Variants in MDN1 observed in about 807,000 individuals in gnomAD.
MDN1 encodes midasin.
In MDN1, 266 loss-of-function variants were observed where a neutral mutation model predicts 669.2. The observed-to-expected ratio is 0.40, with a 90% CI of 0.36 to 0.44. The LOEUF (loss-of-function observed/expected upper bound fraction) is 0.44, where lower values mean the gene tolerates loss of function less well. Among genes scored for constraint, MDN1 ranks in the 20% least tolerant of loss-of-function variants. The probability of loss-of-function intolerance (pLI) is 1.00; values close to 1 mark genes in which losing one functional copy is unlikely to be tolerated. For missense variants in MDN1, 5,940 were observed against 6,754.0 expected, an observed-to-expected ratio of 0.88 and a Z score of 4.22; for synonymous variants, 2,385 against 2,457.1, an observed-to-expected ratio of 0.97 and a Z score of 0.87.
intron 91 of MDN1, 30 bp downstream of exon 91, chr6:89,656,670 A>G: frequency 6.7e-7 from 1 of 1,482,414 alleles, no homozygotes; most frequent in Non-Finnish European, 9.3e-7. Flanking sequence ...TGCTGCCTTC[A>G]CCTAAGTTTA....
At chr6:89,750,027 A>G (rs1008619545) in intron 24 of MDN1, among the ~76,000 whole-genome samples, 2 of 152,230 alleles carry the variant, frequency 1.3e-5, no homozygotes, top group Admixed American at 1.3e-4. Context: ...ATTTCATTTA[A>G]ATCACCACAT....
At chr6:89,706,947 C>CA (rs959128908) in intron 52 of MDN1, among the ~76,000 whole-genome samples, 109 of 146,590 alleles carry the variant, frequency 7.4e-4, no homozygotes, top group East Asian at 1.6e-3. Context: ...TTTCAATTAA[C>CA]AAAAAAAAAA....
At chr6:89,790,536 C>T in intron 5 of MDN1, 135 bp from the exon 6 acceptor site, 3 of 1,061,234 alleles carry the variant, frequency 2.8e-6, no homozygotes, top group Non-Finnish European at 2.8e-6. Flanking sequence ...ACTATAATAA[C>T]AACAGGTATG....
Position 89,714,048 on chromosome 6 carries a change from GA to G in MDN1, c.7069+494del, listed in dbSNP as rs56175181. Among the ~76,000 whole-genome samples, 652 of 115,158 alleles carry G rather than the reference GA, an allele frequency of 5.7e-3. 1 individual carries two copies. Among genetic ancestry groups the G allele is most frequent in the Middle Eastern group, 0.039 (9 of 228 alleles). 75.5% of individuals were successfully genotyped at this position (115,158 alleles called of 152,430 possible). On this transcript the variant is annotated intron_variant, in intron 46 of 101. Transcript: ENST00000369393. ...AGTGAGACTCTGTCTCAAAAAAAAAGAAAAAAAAAAAAAGATTAAATAAACA... is the reference window on the plus strand; with the variant it reads ...AGTGAGACTCTGTCTCAAAAAAAAAGAAAAAAAAAAAAGATTAAATAAACA...
At chr6:89,710,874 T>G (rs1813859987) in intron 49 of MDN1, 80 bp from the exon 50 acceptor site, 1 of 779,286 alleles carries the variant, frequency 1.3e-6, no homozygotes, top group African/African-American at 1.8e-5. Flanking sequence ...GAAAATGTTC[T>G]ACAGCTGCAT....
intron 33 of MDN1, 67 bp downstream of exon 33, chr6:89,738,259 A>T: frequency 2.6e-6 from 4 of 1,532,140 alleles, no homozygotes; most frequent in Non-Finnish European, 3.6e-6. Context: ...CCTGTAAGAG[A>T]TCCCTCAACT....
chr6:89,678,721 T>G lies in MDN1; in HGVS notation c.12290A>C (p.Glu4097Ala). The G allele has an allele frequency of 6.2e-7, 1 of 1,613,364 alleles. No homozygotes were observed. Among genetic ancestry groups the G allele is most frequent in the Non-Finnish European group, 8.5e-7 (1 of 1,179,684 alleles). Residue 4097 changes from glutamate to alanine, a missense_variant, in exon 75 of 102, where the codon GAG becomes GCG. This residue lies in a region of MDN1 where 2,280 missense variants were observed against 2,576.3 expected (regional missense o/e 0.88). Coordinates refer to ENST00000369393, the MANE Select transcript of MDN1 (RefSeq NM_014611.3). ...FTGEVISSVSELQSLKVEPSA... is the reference protein window; with the variant it reads ...FTGEVISSVSALQSLKVEPSA... ...GGGTTCCACCTTTAAGCTCTGCAGC[T>G]CACTCACAGAGGAAATCACTTCACC...
chr6:89,758,932 C>G lies in MDN1; in HGVS notation c.2489G>C (p.Gly830Ala). ...EGTLAQAVKK[G>A]EWILLDEINL... ...AATCTCATCCAACAAGATCCACTCT[C>G]CTTTCTTTACAGCCTGAGCTAATGT... Residue 830 changes from glycine to alanine, a missense_variant, in exon 18 of 102, where the codon GGA (glycine) becomes GCA (alanine). By Grantham distance (60) the Gly-to-Ala change is moderately conservative. Around this residue, in one of 5 missense-constraint regions of MDN1, gnomAD observed 1,203 missense variants for 1,268.9 expected, o/e 0.95. Coordinates refer to ENST00000369393, the MANE Select transcript of MDN1 (RefSeq NM_014611.3). 6.2e-7 allele frequency: 1 copy of G among 1,613,876 alleles called. No homozygotes were observed. Among genetic ancestry groups the G allele is most frequent in the Non-Finnish European group, 8.5e-7 (1 of 1,179,792 alleles).
At position 89,793,788 on chromosome 6, in the gene MDN1, C is replaced by T; in HGVS notation, c.829G>A (p.Gly277Arg). ...VTAVCGVVLP[G>R]QLPAPGELGG... ...AGCTCTCCAGGGGCTGGCAGCTGCC[C>T]AGGCAGCACCACACCACAAACAGCT... The change falls in exon 5 of 102, where the codon GGG becomes AGG. Residue 277 changes from glycine to arginine, a missense_variant. Gly to Arg is a moderately radical substitution (Grantham distance 125). Transcript: ENST00000369393. 1.2e-6 allele frequency: 2 copies of T among 1,613,968 alleles called. No homozygotes were observed. Among genetic ancestry groups the T allele is most frequent in the South Asian group, 2.2e-5 (2 of 91,066 alleles).
At chr6:89,734,709 G>GAGAGAGAGAC in intron 33 of MDN1, among the ~76,000 whole-genome samples, 1 of 149,246 alleles carries the variant, frequency 6.7e-6, no homozygotes, top group African/African-American at 2.5e-5. Context: ...GAGAGAGAGA[G>GAGAGAGAGAC]AGAGAGAACT....
intron 17 of MDN1, 62 bp downstream of exon 17, chr6:89,761,583 C>A: frequency 8.0e-7 from 1 of 1,252,800 alleles, no homozygotes; most frequent in South Asian, 1.4e-5. Context: ...AGTAACCTGC[C>A]TGAAACATTG....
At chr6:89,770,256 T>A (rs781401761) in intron 15 of MDN1, among the ~76,000 whole-genome samples, 22 of 151,656 alleles carry the variant, frequency 1.5e-4, no homozygotes, top group Non-Finnish European at 2.8e-4. Context: ...ATACAAAAAT[T>A]AGCTGGGCAT....
In MDN1 at chr6:89,695,325, A is replaced by G; in HGVS notation, c.9771+280T>C. On this transcript the variant is annotated intron_variant, in intron 61 of 101. Coordinates refer to ENST00000369393, the MANE Select transcript of MDN1 (RefSeq NM_014611.3). The surrounding 1 kb of genome is among the most constrained non-coding windows in gnomAD (Gnocchi z 4.1). ...GTGAGAGGTACCACTATTTCTGACA[A>G]TGGCTCAGGTTTTCTACCTGCCCTC... Among the ~76,000 whole-genome samples the G allele has an allele frequency of 6.6e-6, 1 of 152,192 alleles. No individual in the cohort carries two copies. The highest frequency in any genetic ancestry group is 1.9e-4 in the East Asian group (1 of 5,190).
intron 82 of MDN1, 59 bp downstream of exon 82, chr6:89,672,141 C>G: frequency 6.8e-7 from 1 of 1,480,148 alleles, no homozygotes; most frequent in South Asian, 1.5e-5. Flanking sequence ...GTAAAGCCCA[C>G]TCTGCCTTTG....
At chr6:89,673,511 CA>C (rs1267236776) in intron 79 of MDN1, 49 bp from the exon 80 acceptor site, 2 of 1,496,154 alleles carry the variant, frequency 1.3e-6, no homozygotes, top group East Asian at 4.6e-5. Flanking sequence ...ACAGTTCCCA[CA>C]AACACACACC....
intron 2 of MDN1, among the ~76,000 whole-genome samples, chr6:89,798,240 G>A (rs1268524374): frequency 6.0e-5 from 9 of 151,046 alleles, no homozygotes; most frequent in African/African-American, 1.9e-4. Context: ...TAGGCCAGGC[G>A]CAGTGGCTCA....
intron 93 of MDN1, 97 bp downstream of exon 93, chr6:89,654,067 G>C (rs1809075992): frequency 3.0e-6 from 4 of 1,351,218 alleles, no homozygotes; most frequent in Non-Finnish European, 4.1e-6. Context: ...CATGGATTAG[G>C]ACATGGAACT....
chr6:89,718,281 CA>C (rs1584258532), intron 43 of MDN1, 84 bp downstream of exon 43: 2 of 1,389,334 alleles, frequency 1.4e-6, no homozygotes, highest in Non-Finnish European at 2.0e-6. Flanking sequence ...TAAATTAATA[CA>C]AAACATTTGT....
chr6:89,673,691 G>T, intron 79 of MDN1: 1 of 537,580 alleles, frequency 1.9e-6, no homozygotes, highest in Non-Finnish European at 3.3e-6. Flanking sequence ...TTTAGTAATG[G>T]AATAAATTAC....
Sources: allele counts gnomAD v4.1 joint callset (sites outside exome capture counted in the v4.1 genomes callset), GRCh38; gene constraint gnomAD v4.1.1; regional missense constraint gnomAD v4.1.1; non-coding constraint Gnocchi (gnomAD v3.1); transcripts MANE v1.5; gene names NCBI Gene and HGNC (gene_info 2026-07-23, HGNC 2026-07-21).